The following PHLPP1 variants were observed in gnomAD, a reference collection of about 807,000 sequenced individuals.
PHLPP1 encodes the protein PH domain and leucine rich repeat protein phosphatase 1.
PHLPP1 carries 42 observed loss-of-function variants against 117.2 expected under a neutral mutation model. The observed-to-expected ratio is 0.36, with a 90% confidence interval of 0.28 to 0.46. The LOEUF (loss-of-function observed/expected upper bound fraction) is 0.46. PHLPP1 is among the 20% of genes least tolerant of loss of function. The pLI is 1.00. For missense variants in PHLPP1, 2,084 were observed against 2,241.9 expected, an observed-to-expected ratio of 0.93 and a Z score of 1.42; for synonymous variants, 1,042 against 970.7, an observed-to-expected ratio of 1.07 and a Z score of -1.37.
At chr18:62,863,346 A>T (rs1017965300) in intron 4 of PHLPP1, among the ~76,000 whole-genome samples, 2 of 151,966 alleles carry the variant, frequency 1.3e-5, no homozygotes. Flanking sequence ...GATTACAGGC[A>T]TGCACCACCA....
intron 2 of PHLPP1, among the ~76,000 whole-genome samples, chr18:62,836,346 C>T (rs763754323): frequency 1.7e-4 from 25 of 151,304 alleles, no homozygotes; most frequent in Non-Finnish European, 2.7e-4. Context: ...GCAGGAGAAT[C>T]GCTTGAACCT....
At chr18:62,974,829 GTCTTTACTA>G (rs1911143821) in intron 15 of PHLPP1, among the ~76,000 whole-genome samples, 1 of 151,962 alleles carries the variant, frequency 6.6e-6, no homozygotes, top group South Asian at 2.1e-4. Flanking sequence ...GGTCCAGAAA[GTCTTTACTA>G]TATAGGGCAG....
At chr18:62,896,252 T>G (rs1218293354) in intron 6 of PHLPP1, among the ~76,000 whole-genome samples, 1 of 151,952 alleles carries the variant, frequency 6.6e-6, no homozygotes, top group Admixed American at 6.6e-5. Context: ...GAGAGAGCTG[T>G]TTTTTGTTGT....
intron 4 of PHLPP1, among the ~76,000 whole-genome samples, chr18:62,868,744 T>C (rs534771731): frequency 6.6e-6 from 1 of 152,214 alleles, no homozygotes; most frequent in East Asian, 1.9e-4. Context: ...CCCAAACCTA[T>C]CATTGATCAG....
chr18:62,883,612 T>C (rs1916216135), intron 4 of PHLPP1, among the ~76,000 whole-genome samples: 1 of 152,000 alleles, frequency 6.6e-6, no homozygotes, highest in Non-Finnish European at 1.5e-5. Flanking sequence ...TTTCTGTAAC[T>C]TTTTTTTGTA....
intron 1 of PHLPP1, among the ~76,000 whole-genome samples, chr18:62,735,624 T>G (rs1911350489): frequency 6.6e-6 from 1 of 151,826 alleles, no homozygotes; most frequent in South Asian, 2.1e-4. Flanking sequence ...GACCACCCTC[T>G]TGGTTTTAAG....
At chr18:62,854,551 G>C (rs1915444593) in intron 3 of PHLPP1, among the ~76,000 whole-genome samples, 1 of 152,184 alleles carries the variant, frequency 6.6e-6, no homozygotes, top group African/African-American at 2.4e-5. Flanking sequence ...CATATCCTGA[G>C]GAGTACATCT....
intron 1 of PHLPP1, among the ~76,000 whole-genome samples, chr18:62,764,706 G>A (rs1194990905): frequency 6.6e-6 from 1 of 152,252 alleles, no homozygotes; most frequent in African/African-American, 2.4e-5. Flanking sequence ...TCTTGGGGAT[G>A]AAATGGGTTC....
chr18:62,806,296 A>G (rs1913950349), intron 1 of PHLPP1, among the ~76,000 whole-genome samples: 1 of 152,124 alleles, frequency 6.6e-6, no homozygotes, highest in Non-Finnish European at 1.5e-5. Context: ...TTTGTTCTTG[A>G]TTTATTTCTT....
At chr18:62,926,172 A>T (rs1909622940) in intron 10 of PHLPP1, among the ~76,000 whole-genome samples, 1 of 152,180 alleles carries the variant, frequency 6.6e-6, no homozygotes, top group Admixed American at 6.5e-5. Flanking sequence ...GATGTTTAGA[A>T]TACTATGAAG....
intron 1 of PHLPP1, among the ~76,000 whole-genome samples, chr18:62,814,644 A>T (rs567004267): frequency 2.0e-5 from 3 of 152,300 alleles, no homozygotes; most frequent in African/African-American, 7.2e-5. Context: ...GGACATGGTA[A>T]ATTCTTCCAG....
At chr18:62,876,643 G>A (rs1469124703) in intron 4 of PHLPP1, among the ~76,000 whole-genome samples, 1 of 152,304 alleles carries the variant, frequency 6.6e-6, no homozygotes, top group African/African-American at 2.4e-5. Flanking sequence ...AATGCTTTGA[G>A]CAGCGGAACC....
chr18:62,916,605 G>GGGGTGTGTGTGTGTGT (rs1555681660), intron 9 of PHLPP1, among the ~76,000 whole-genome samples: 3,911 of 145,768 alleles, frequency 0.027, 85 homozygotes, highest in Non-Finnish European at 0.045. Context: ...CAAGAGGGTG[G>GGGGTGTGTGTGTGTGT]GTGTGTGTGT....
chr18:62,739,545 G>A (rs979602103), intron 1 of PHLPP1, among the ~76,000 whole-genome samples: 26 of 152,290 alleles, frequency 1.7e-4, no homozygotes, highest in Admixed American at 9.8e-4. Flanking sequence ...TATCTCAGTG[G>A]AAGAAGAGAA....
chr18:62,973,110 C>T (rs1437881705), intron 15 of PHLPP1, among the ~76,000 whole-genome samples: 1 of 152,202 alleles, frequency 6.6e-6, no homozygotes, highest in African/African-American at 2.4e-5. Flanking sequence ...AGTTTCTTGG[C>T]CCTTATGAAA....
At chr18:62,871,812 T>G (rs1401259812) in intron 4 of PHLPP1, among the ~76,000 whole-genome samples, 1 of 151,668 alleles carries the variant, frequency 6.6e-6, no homozygotes, top group Non-Finnish European at 1.5e-5. Context: ...GCCCAGCAAA[T>G]TTTTGTATTT....
intron 3 of PHLPP1, among the ~76,000 whole-genome samples, chr18:62,857,624 G>T (rs185099681): frequency 6.6e-6 from 1 of 151,944 alleles, no homozygotes; most frequent in African/African-American, 2.4e-5. Flanking sequence ...AAGGATTTGG[G>T]GCAAAAAACA....
chr18:62,972,045 T>G (rs977627289), intron 14 of PHLPP1, among the ~76,000 whole-genome samples: 1 of 151,876 alleles, frequency 6.6e-6, no homozygotes, highest in African/African-American at 2.4e-5. Context: ...CAAAAAAAAA[T>G]AAAAATAAAA....
At chr18:62,969,516 A>G (rs1240986524) in intron 14 of PHLPP1, among the ~76,000 whole-genome samples, 1 of 151,996 alleles carries the variant, frequency 6.6e-6, no homozygotes, top group African/African-American at 2.4e-5. Context: ...AGTTAACTCA[A>G]GTTGGTTGAT....
Sources: gnomAD v4.1 joint callset for allele counts (sites outside exome capture counted in the v4.1 genomes callset) on GRCh38, gnomAD v4.1.1 for gene constraint, MANE v1.5 for transcripts, NCBI Gene and HGNC (gene_info 2026-07-23, HGNC 2026-07-21) for gene names.